The following SDCCAG8 variants were observed in gnomAD, a reference collection of about 807,000 sequenced individuals.
SDCCAG8 encodes the protein SHH signaling and ciliogenesis regulator SDCCAG8.
A neutral mutation model predicts 101.8 loss-of-function variants in SDCCAG8; 74 were observed. That is an observed-to-expected ratio of 0.73 (90% CI 0.60 to 0.88). The LOEUF (loss-of-function observed/expected upper bound fraction) is 0.88, where lower values mean the gene tolerates loss of function less well. SDCCAG8 is among the 40% of genes least tolerant of loss of function. SDCCAG8 has a pLI of 0.00. For missense variants in SDCCAG8, 787 were observed against 822.6 expected (o/e 0.96, Z 0.53); for synonymous variants, 281 against 292.9 (o/e 0.96, Z 0.41).
chr1:243,283,377 T>C (rs2069248338), intron 4 of SDCCAG8, among the ~76,000 whole-genome samples: 1 of 145,554 alleles, frequency 6.9e-6, no homozygotes, highest in Admixed American at 7.2e-5. Context: ...TTTCCTTTCT[T>C]TCCTTTTTTG....
At chr1:243,378,692 G>T (rs1440831603) in intron 12 of SDCCAG8, 29 bp from the exon 13 acceptor site, 3 of 1,611,886 alleles carry the variant, frequency 1.9e-6, no homozygotes, top group Admixed American at 3.3e-5. Context: ...ATTTTATATG[G>T]ATGCTTTTTC....
At chr1:243,384,590 C>CCACACA (rs113914411) in intron 13 of SDCCAG8, among the ~76,000 whole-genome samples, 61,011 of 149,244 alleles carry the variant, frequency 0.41, 13,146 homozygotes, top group East Asian at 0.71. Flanking sequence ...TGTTTAAAAA[C>CCACACA]CACACACACA....
chr1:243,344,515 G>A (rs1277265411), intron 12 of SDCCAG8, among the ~76,000 whole-genome samples, 184 bp downstream of exon 12: 1 of 152,058 alleles, frequency 6.6e-6, no homozygotes, highest in African/African-American at 2.4e-5. Context: ...CACATGAATG[G>A]TGAGAATACA....
chr1:243,466,380 C>T (rs983451258), intron 16 of SDCCAG8, among the ~76,000 whole-genome samples: 6 of 152,204 alleles, frequency 3.9e-5, no homozygotes, highest in Non-Finnish European at 8.8e-5. Context: ...CCCTTTCCTA[C>T]TTAATGCCTC....
Position 243,352,692 on chromosome 1 carries a change from A to T in SDCCAG8, c.1473+8361A>T, listed in dbSNP as rs751698118. 9.2e-5 allele frequency among the ~76,000 whole-genome samples: 14 copies of T among 152,378 alleles called. No homozygotes were observed. The South Asian group carries it at 1.9e-3, about 20-fold the overall frequency. ...ATACATTTAAAAAAATTTATTGTAT[A>T]AACATAAGCACATTAACAGAAGCCA... On this transcript the variant is annotated intron_variant, in intron 12 of 17. Transcript: ENST00000366541.
At chr1:243,322,206 G>A (rs2073814376) in intron 9 of SDCCAG8, among the ~76,000 whole-genome samples, 1 of 152,200 alleles carries the variant, frequency 6.6e-6, no homozygotes, top group Non-Finnish European at 1.5e-5. Context: ...TTTATTGCAA[G>A]TTGACTGGCA....
intron 12 of SDCCAG8, among the ~76,000 whole-genome samples, chr1:243,377,962 T>C (rs2077697253): frequency 1.3e-5 from 2 of 151,402 alleles, no homozygotes; most frequent in Non-Finnish European, 3.0e-5. Flanking sequence ...TTTAAAATTA[T>C]GGCCTATATA....
At chr1:243,328,557 G>A (rs560717828) in intron 9 of SDCCAG8, among the ~76,000 whole-genome samples, 4 of 151,848 alleles carry the variant, frequency 2.6e-5, no homozygotes, top group Admixed American at 1.3e-4. Context: ...GATTACAGGC[G>A]TGAGCCACCA....
In SDCCAG8 at chr1:243,284,358, T is replaced by A. The variant is rs145682706; in HGVS notation, c.421-1914T>A. ...GTTGTCTATGGATTACCCTAGTGAG[T>A]TCTTCCTAAATATAGTCTGAGATAT... On this transcript the variant is annotated intron_variant, in intron 4 of 17. Coordinates refer to ENST00000366541, the MANE Select transcript of SDCCAG8 (RefSeq NM_006642.5). Among the ~76,000 whole-genome samples the A allele has an allele frequency of 6.7e-3, 1,020 of 152,320 alleles. 7 individuals are homozygous for A. The highest frequency in any genetic ancestry group is 0.011 in the Non-Finnish European group (736 of 68,014).
intron 10 of SDCCAG8, among the ~76,000 whole-genome samples, chr1:243,340,005 A>G (rs939817129): frequency 6.6e-6 from 1 of 152,240 alleles, no homozygotes; most frequent in African/African-American, 2.4e-5. Flanking sequence ...ACAAAACATA[A>G]TTGGAAACCA....
chr1:243,477,014 A>ACG (rs1553374837), intron 16 of SDCCAG8, among the ~76,000 whole-genome samples: 2 of 84,354 alleles, frequency 2.4e-5, no homozygotes, highest in African/African-American at 7.2e-5. Flanking sequence ...ACACACACAC[A>ACG]CACACACACA....
rs1050236362 is a variant in SDCCAG8 at position 243,458,756 on chromosome 1, C to T, written c.1986-30258C>T. On this transcript the variant is annotated intron_variant, in intron 16 of 17. Transcript: ENST00000366541. This position sits in a 1 kb window ranked among gnomAD's most constrained non-coding sequence, Gnocchi z 4.5. ...CCATAATAGTAAAAATTTTTAGAAG[C>T]GCTTCCTGTGATTCCAGTCAGATAT... is the stretch of plus-strand genomic sequence containing the variant. 6.6e-6 allele frequency among the ~76,000 whole-genome samples: 1 copy of T among 152,172 alleles called. No individual in the cohort carries two copies. The highest frequency in any genetic ancestry group is 1.5e-5 in the Non-Finnish European group (1 of 68,026).
intron 9 of SDCCAG8, among the ~76,000 whole-genome samples, chr1:243,320,316 C>G (rs1480035190): frequency 3.3e-5 from 5 of 152,206 alleles, no homozygotes; most frequent in African/African-American, 7.2e-5. Flanking sequence ...TCGTTCCACT[C>G]CCTACACTGC....
At chr1:243,486,482 G>A (rs1036794830) in intron 16 of SDCCAG8, among the ~76,000 whole-genome samples, 7 of 152,262 alleles carry the variant, frequency 4.6e-5, no homozygotes, top group East Asian at 1.9e-4. Flanking sequence ...TCCCACCCCA[G>A]TAATCGCTAT....
intron 16 of SDCCAG8, among the ~76,000 whole-genome samples, chr1:243,468,033 C>T (rs560400608): frequency 1.4e-4 from 21 of 152,070 alleles, no homozygotes; most frequent in Non-Finnish European, 2.4e-4. Context: ...GTTGTATGGA[C>T]AAAAGGGCAC....
intron 11 of SDCCAG8, among the ~76,000 whole-genome samples, 200 bp from the exon 12 acceptor site, chr1:243,344,015 A>G (rs1044419472): frequency 9.9e-5 from 15 of 152,254 alleles, no homozygotes; most frequent in African/African-American, 3.6e-4. Context: ...TGTAATTTCA[A>G]GTTGTTAGAA....
At chr1:243,318,031 T>C (rs2073414050) in intron 9 of SDCCAG8, 3 of 456,714 alleles carry the variant, frequency 6.6e-6, no homozygotes, top group Middle Eastern at 6.5e-4. Context: ...TGAATTGTCA[T>C]TGCAGCACCC....
intron 4 of SDCCAG8, among the ~76,000 whole-genome samples, chr1:243,280,568 C>G (rs1266633309): frequency 2.0e-5 from 3 of 152,042 alleles, no homozygotes; most frequent in African/African-American, 7.2e-5. Flanking sequence ...AATTTTTTTA[C>G]ACTCCTTTTG....
At chr1:243,461,400 G>A (rs1336427543) in intron 16 of SDCCAG8, among the ~76,000 whole-genome samples, 2 of 152,150 alleles carry the variant, frequency 1.3e-5, no homozygotes, top group Admixed American at 6.6e-5. Flanking sequence ...CACTGACCTC[G>A]AGGTCCCCAT....
Sources: gnomAD v4.1 joint callset for allele counts (sites outside exome capture counted in the v4.1 genomes callset) on GRCh38, gnomAD v4.1.1 for gene constraint, Gnocchi (gnomAD v3.1) non-coding constraint, MANE v1.5 for transcripts, NCBI Gene and HGNC (gene_info 2026-07-23, HGNC 2026-07-21) for gene names.